Variants in SLC22A15 observed in about 807,000 individuals in gnomAD.
SLC22A15 encodes the protein solute carrier family 22 member 15, also known as flipt 1.
A neutral mutation model predicts 62.7 loss-of-function variants in SLC22A15; 45 were observed. That is an observed-to-expected ratio of 0.72 (90% confidence interval 0.56 to 0.92). SLC22A15 has a LOEUF of 0.92. Ranked by LOEUF, SLC22A15 falls within the 40% of genes least tolerant of loss-of-function variation. The pLI, the probability that SLC22A15 is intolerant of heterozygous loss-of-function variation, is 0.00. For missense variants in SLC22A15, 622 were observed against 665.6 expected, an observed-to-expected ratio of 0.93 and a Z score of 0.72; for synonymous variants, 264 against 267.0, an observed-to-expected ratio of 0.99 and a Z score of 0.11.
intron 2 of SLC22A15, 87 bp downstream of exon 2, chr1:115,992,330 A>G: frequency 1.7e-6 from 2 of 1,159,798 alleles, no homozygotes; most frequent in South Asian, 3.0e-5. Context: ...TTTAAATATC[A>G]GCCACATTTT....
At chr1:116,004,864 C>T (rs1017471343) in intron 2 of SLC22A15, among the ~76,000 whole-genome samples, 2 of 152,068 alleles carry the variant, frequency 1.3e-5, no homozygotes, top group Non-Finnish European at 2.9e-5. Flanking sequence ...GCTATTTTGT[C>T]AAATGATCTA....
In SLC22A15 at chr1:116,019,647, A is replaced by G; in HGVS notation, c.366A>G (p.Val122=). The stretch of plus-strand genomic sequence containing the variant: ...CAAGCTCTTTTTTCTTCAGTGGTGT[A>G]TTTGTTGGAGTTATCTCTTTTGGTC... ...SAASSFFFSG[V]FVGVISFGQL... The change falls in exon 3 of 12, where the codon GTA becomes GTG. Residue 122 remains valine, a synonymous_variant. Coordinates refer to ENST00000369503, the MANE Select transcript of SLC22A15 (RefSeq NM_018420.3). 2.5e-6 allele frequency: 4 copies of G among 1,613,528 alleles called. No individual in the cohort carries two copies. Among genetic ancestry groups the G allele is most frequent in the Non-Finnish European group, 3.4e-6 (4 of 1,179,754 alleles).
At chr1:116,018,736 T>A (rs1656671728) in intron 2 of SLC22A15, among the ~76,000 whole-genome samples, 1 of 152,212 alleles carries the variant, frequency 6.6e-6, no homozygotes, top group Admixed American at 6.5e-5. Context: ...ATTTCTGTCA[T>A]CTCAAATATT....
chr1:115,987,832 T>A (rs1654947408), intron 1 of SLC22A15, among the ~76,000 whole-genome samples: 1 of 152,246 alleles, frequency 6.6e-6, no homozygotes, highest in African/African-American at 2.4e-5. Flanking sequence ...TAGTGTTTTA[T>A]ATAACATTGA....
intron 2 of SLC22A15, among the ~76,000 whole-genome samples, chr1:115,994,268 T>C (rs1655311089): frequency 6.6e-6 from 1 of 152,208 alleles, no homozygotes; most frequent in Non-Finnish European, 1.5e-5. Flanking sequence ...GATTATGATA[T>C]GCCAGGGATT....
At chr1:115,977,220 C>T (rs894823938) in intron 1 of SLC22A15, among the ~76,000 whole-genome samples, 2 of 152,126 alleles carry the variant, frequency 1.3e-5, no homozygotes, top group African/African-American at 2.4e-5. Context: ...CTTGAGGGGG[C>T]TTACTCTTCT....
intron 8 of SLC22A15, among the ~76,000 whole-genome samples, chr1:116,050,975 G>T (rs1265922798): frequency 1.3e-5 from 2 of 151,978 alleles, no homozygotes; most frequent in Non-Finnish European, 2.9e-5. Flanking sequence ...CTTTATGGTA[G>T]CTGCCAAAAA....
At chr1:116,042,356 T>A (rs11802414) in intron 8 of SLC22A15, among the ~76,000 whole-genome samples, 14,451 of 150,858 alleles carry the variant, frequency 0.096, 850 homozygotes, top group African/African-American at 0.16. Flanking sequence ...AAACATATAA[T>A]ATATGAAAAA....
rs1657641858 is a variant in SLC22A15 at position 116,036,812 on chromosome 1, G to T, written c.1086-491G>T. 2.0e-5 allele frequency among the ~76,000 whole-genome samples: 3 copies of T among 152,056 alleles called. No homozygotes were observed. The South Asian group carries it at 6.2e-4, about 31-fold the overall frequency. ...CTAACCCACTGACAAATTTTTTTCTGTGTGTATTTTTAAGAGAGAGAGACT... is the reference window on the plus strand; with the variant it reads ...CTAACCCACTGACAAATTTTTTTCTTTGTGTATTTTTAAGAGAGAGAGACT... On this transcript the variant is annotated intron_variant, in intron 7 of 11. Transcript: ENST00000369503.
At chr1:115,997,975 T>G (rs535202738) in intron 2 of SLC22A15, among the ~76,000 whole-genome samples, 1 of 1,188 alleles carries the variant, frequency 8.4e-4, no homozygotes, top group East Asian at 0.014. Context: ...CTATACCCAG[T>G]TTTTTTGCAG....
At chr1:116,053,385 C>T (rs1658114441) in intron 8 of SLC22A15, among the ~76,000 whole-genome samples, 2 of 152,230 alleles carry the variant, frequency 1.3e-5, no homozygotes, top group South Asian at 4.2e-4. Context: ...ACAAAGCCTC[C>T]AAGAAATATG....
chr1:116,025,498 G>A (rs1657043784), intron 4 of SLC22A15, among the ~76,000 whole-genome samples: 1 of 152,110 alleles, frequency 6.6e-6, no homozygotes, highest in South Asian at 2.1e-4. Flanking sequence ...TCACTTATTT[G>A]TTATAAAGTA....
chr1:115,976,607 G>C lies in SLC22A15; in HGVS notation c.-21G>C. ...GCCTGAGAGGGCGGTGGGGTGGCGG[G>C]GTTCCTGCGCGCGGCCCGCCATGGA... is the stretch of plus-strand genomic sequence containing the variant. On this transcript the variant is annotated 5_prime_UTR_variant, in exon 1 of 12. Coordinates refer to ENST00000369503, the MANE Select transcript of SLC22A15 (RefSeq NM_018420.3). The C allele has an allele frequency of 1.3e-6, 2 of 1,556,840 alleles. No homozygotes were observed. Among genetic ancestry groups the C allele is most frequent in the Non-Finnish European group, 1.7e-6 (2 of 1,154,518 alleles).
intron 1 of SLC22A15, among the ~76,000 whole-genome samples, chr1:115,990,133 A>T (rs1352263764): frequency 2.0e-5 from 3 of 152,244 alleles, no homozygotes; most frequent in African/African-American, 7.2e-5. Context: ...TGGAGACACA[A>T]GCAAGACAGT....
At chr1:116,065,527 A>G (rs1482075590) in intron 10 of SLC22A15, among the ~76,000 whole-genome samples, 2 of 152,114 alleles carry the variant, frequency 1.3e-5, no homozygotes, top group Admixed American at 1.3e-4. Flanking sequence ...CCTTGTTTCA[A>G]CAACAGGCCC....
rs371043156 is a variant in SLC22A15, at chr1:115,989,240, G to T, written c.88-2791G>T. On this transcript the variant is annotated intron_variant, in intron 1 of 11. Transcript: ENST00000369503. ...TGGAAAGTGCTTATTCTGCCTGCAG[G>T]TTGCTAGAAAGAAAACTGGTTAATA... Among the ~76,000 whole-genome samples, 9 of 152,176 alleles carry T rather than the reference G, an allele frequency of 5.9e-5. No homozygotes were observed. The East Asian group carries it at 1.4e-3, about 23-fold the overall frequency.
chr1:115,991,081 AG>A (rs1463298962), intron 1 of SLC22A15, among the ~76,000 whole-genome samples: 2 of 152,192 alleles, frequency 1.3e-5, no homozygotes, highest in Non-Finnish European at 2.9e-5. Context: ...CTAAGTTAAT[AG>A]GGATAGTTTA....
chr1:115,985,482 TGAA>T (rs1654810244), intron 1 of SLC22A15, among the ~76,000 whole-genome samples: 1 of 152,228 alleles, frequency 6.6e-6, no homozygotes, highest in South Asian at 2.1e-4. Flanking sequence ...TGTCCTCATT[TGAA>T]TGCATGTGCC....
chr1:116,059,925 T>A (rs1658334612), intron 8 of SLC22A15, among the ~76,000 whole-genome samples: 1 of 152,226 alleles, frequency 6.6e-6, no homozygotes, highest in Non-Finnish European at 1.5e-5. Flanking sequence ...GGAATAAATG[T>A]ATAACCTCCT....
Sources: allele counts gnomAD v4.1 joint callset (sites outside exome capture counted in the v4.1 genomes callset), GRCh38; gene constraint gnomAD v4.1.1; transcripts MANE v1.5; gene names NCBI Gene and HGNC (gene_info 2026-07-23, HGNC 2026-07-21).